Variants in FAT2 observed in about 807,000 individuals in gnomAD.
FAT2 encodes FAT atypical cadherin 2, also known as protocadherin Fat 2.
Under a neutral mutation model 295.3 loss-of-function variants are expected in FAT2, and 150 were observed. The ratio of observed to expected loss-of-function variants is 0.51; its 90% CI spans 0.44 to 0.58. The LOEUF (loss-of-function observed/expected upper bound fraction) is 0.58. Among genes scored for constraint, FAT2 ranks in the 20% least tolerant of loss-of-function variants. The pLI, the probability that FAT2 is intolerant of heterozygous loss-of-function variation, is 0.00. For synonymous variants in FAT2, 2,026 were observed against 2,150.3 expected, an observed-to-expected ratio of 0.94 and a Z score of 1.60; for missense variants, 4,868 against 5,442.7, an observed-to-expected ratio of 0.89 and a Z score of 3.32.
chr5:151,552,751 C>T (rs1379646441), intron 6 of FAT2, among the ~76,000 whole-genome samples: 1 of 152,184 alleles, frequency 6.6e-6, no homozygotes, highest in Non-Finnish European at 1.5e-5. Flanking sequence ...GGCACTTTCC[C>T]CTGATCTCAA....
chr5:151,538,343 G>T (rs1462648378), intron 11 of FAT2, among the ~76,000 whole-genome samples: 1 of 152,168 alleles, frequency 6.6e-6, no homozygotes, highest in African/African-American at 2.4e-5. Flanking sequence ...CCTGATATAG[G>T]CATTCTGGAA....
rs989789203 is a variant in FAT2, at chr5:151,565,030, G to A, written c.3259+643C>T. Among the ~76,000 whole-genome samples, 9 of 152,072 alleles carry A rather than the reference G, an allele frequency of 5.9e-5. No homozygotes were observed. The South Asian group carries it at 1.7e-3, about 28-fold the overall frequency. ...ACGGAGGTTGCAATGAGCCGAGATC[G>A]AACCACTTCACTCCAGCCTGGGTGA... On this transcript the variant is annotated intron_variant, in intron 2 of 23. Coordinates refer to ENST00000261800, the MANE Select transcript of FAT2 (RefSeq NM_001447.3).
rs921116594 is a variant in FAT2, at chr5:151,512,946, T to A, written c.11464-340A>T. Among the ~76,000 whole-genome samples, 2 of 152,254 alleles carry A rather than the reference T, an allele frequency of 1.3e-5. No homozygotes were observed. The highest frequency in any genetic ancestry group is 4.8e-5 in the African/African-American group (2 of 41,474). ...TCCAGAGTTCCACACTTGTGAATAT[T>A]GGCCTTCAGCGATTTGAAAAACCTG... On this transcript the variant is annotated intron_variant, in intron 20 of 23. Coordinates refer to ENST00000261800, the MANE Select transcript of FAT2 (RefSeq NM_001447.3). This position sits in a 1 kb window ranked among gnomAD's most constrained non-coding sequence, Gnocchi z 4.1.
chr5:151,550,692 T>A lies in FAT2; in HGVS notation c.4476A>T (p.Gly1492=). 1 of 1,614,222 alleles carries A rather than the reference T, an allele frequency of 6.2e-7. No individual in the cohort carries two copies. The highest frequency in any genetic ancestry group is 8.5e-7 in the Non-Finnish European group (1 of 1,180,026). Reference sequence around the variant, plus strand: ...GGTCCAGCTGGAAGAGGCTGGCACTTCCTGGGTCTTGGCTGCCATGTATGG... The same window carrying A: ...GGTCCAGCTGGAAGAGGCTGGCACTACCTGGGTCTTGGCTGCCATGTATGG... ...IYTIHGSQDP[G]SASLFQLDPS... is the part of the protein sequence containing the mutation. The change falls in exon 8 of 24, where the codon GGA becomes GGT. Residue 1492 remains glycine (G), a synonymous_variant. Transcript: ENST00000261800.
intron 3 of FAT2, among the ~76,000 whole-genome samples, chr5:151,557,056 C>T (rs946269299): frequency 2.0e-5 from 3 of 151,986 alleles, no homozygotes; most frequent in Admixed American, 6.5e-5. Context: ...CTTCAGCAAT[C>T]GGCCCACCAC....
upstream of FAT2, among the ~76,000 whole-genome samples, chr5:151,592,162 A>G (rs542176357): frequency 1.3e-5 from 2 of 152,224 alleles, no homozygotes; most frequent in Non-Finnish European, 2.9e-5. Context: ...GGCTCCCCAT[A>G]TAATTCCATT....
In FAT2 at chr5:151,568,826, AGT is replaced by A; in HGVS notation, c.104_105del (p.His35LeufsTer9). The A allele has an allele frequency of 6.2e-7, 1 of 1,613,948 alleles. No homozygotes were observed. The highest frequency in any genetic ancestry group is 8.5e-7 in the Non-Finnish European group (1 of 1,180,006). ...ILSSSAWHFT[H>X]SHYNATIYEN... ...TCATAGATGGTGGCATTGTAATGGG[AGT>A]GTGTGAAGTGCCAAGCAGAGGAGGA... On this transcript the variant is annotated frameshift_variant, in exon 2 of 24. Transcript: ENST00000261800. LOFTEE classifies it high-confidence loss of function.
chr5:151,539,471 T>C (rs1046471913), intron 11 of FAT2, among the ~76,000 whole-genome samples: 54 of 152,210 alleles, frequency 3.5e-4, no homozygotes, highest in African/African-American at 1.3e-3. Context: ...GCTAGGTATA[T>C]AGGTATATGC....
chr5:151,536,221 GA>G (rs11307084), intron 12 of FAT2, among the ~76,000 whole-genome samples: 84,083 of 150,860 alleles, frequency 0.56, 23,456 homozygotes, highest in East Asian at 0.75. Context: ...TCCATATTCA[GA>G]AAAAAAAACG....
chr5:151,550,737 C>T lies in FAT2; in HGVS notation c.4431G>A (p.Lys1477=), dbSNP rs1270229703. The T allele has an allele frequency of 1.2e-6, 2 of 1,614,124 alleles. No homozygotes were observed. The highest frequency in any genetic ancestry group is 1.7e-5 in the Admixed American group (1 of 60,010). Residue 1477 remains lysine (K), a synonymous_variant, in exon 8 of 24, where the codon AAG becomes AAA. Transcript: ENST00000261800. ...LLRVQAIDQD[K]GKSLIYTIHG... is the part of the protein sequence containing the mutation. ...GTATGGTATAGATGAGGCTTTTGCC[C>T]TTGTCTTGATCTATGGCCTGGACTC...
At chr5:151,585,562 A>T (rs1479114320) in intron 1 of FAT2, among the ~76,000 whole-genome samples, 2 of 152,216 alleles carry the variant, frequency 1.3e-5, no homozygotes, top group South Asian at 2.1e-4. Flanking sequence ...CAATGAGCTG[A>T]GTTTGCATCA....
chr5:151,526,878 A>G (rs142877308), intron 17 of FAT2, among the ~76,000 whole-genome samples: 1 of 152,322 alleles, frequency 6.6e-6, no homozygotes, highest in East Asian at 1.9e-4. Flanking sequence ...TTAGTAGGGA[A>G]TAGCTTGGGT....
At position 151,508,617 on chromosome 5, in the gene FAT2, G is replaced by A. The variant is rs113259116; in HGVS notation, c.12060-1006C>T. 2.0e-5 allele frequency among the ~76,000 whole-genome samples: 3 copies of A among 152,230 alleles called. 1 individual carries two copies. The highest frequency in any genetic ancestry group is 7.2e-5 in the African/African-American group (3 of 41,514). On this transcript the variant is annotated intron_variant, in intron 22 of 23. Transcript: ENST00000261800. Reference sequence around the variant, plus strand: ...CCCAGCTACTTGGCAGGCTGAGGCAGGGGAATGGCTTGAACCTAGGAGTCA... The same window carrying A: ...CCCAGCTACTTGGCAGGCTGAGGCAAGGGAATGGCTTGAACCTAGGAGTCA...
At chr5:151,575,787 G>A (rs998482774) in intron 1 of FAT2, among the ~76,000 whole-genome samples, 1 of 152,208 alleles carries the variant, frequency 6.6e-6, no homozygotes, top group Non-Finnish European at 1.5e-5. Flanking sequence ...CTAGAGCTGC[G>A]CTTTCCAGCA....
intron 2 of FAT2, among the ~76,000 whole-genome samples, chr5:151,565,067 T>G (rs1343283438): frequency 6.6e-6 from 1 of 151,962 alleles, no homozygotes; most frequent in Admixed American, 6.6e-5. Flanking sequence ...AGAGCAAGAC[T>G]CCATCTCAAA....
chr5:151,504,130 T>A lies in FAT2; in HGVS notation c.*1435A>T, dbSNP rs1250090996. On this transcript the variant is annotated 3_prime_UTR_variant, in exon 24 of 24. Coordinates refer to ENST00000261800, the MANE Select transcript of FAT2 (RefSeq NM_001447.3). ...AGATACTTTATTGTTAAAAAAAAAA[T>A]GACCAATGAAACTATGTATCTGTCA... The A allele has an allele frequency of 1.3e-5, 2 of 148,906 alleles. No homozygotes were observed. Among genetic ancestry groups the A allele is most frequent in the African/African-American group, 2.5e-5 (1 of 40,672 alleles). 9.2% of individuals were successfully genotyped at this position (148,906 alleles called of 1,614,324 possible).
At chr5:151,523,168 G>A (rs996809260) in intron 18 of FAT2, among the ~76,000 whole-genome samples, 1 of 152,022 alleles carries the variant, frequency 6.6e-6, no homozygotes, top group African/African-American at 2.4e-5. Flanking sequence ...ACCTACTGCT[G>A]GAAGTCATGC....
At chr5:151,551,672 G>A (rs1314191658) in intron 6 of FAT2, 66 bp from the exon 7 acceptor site, 3 of 1,569,016 alleles carry the variant, frequency 1.9e-6, no homozygotes, top group African/African-American at 1.3e-5. Flanking sequence ...CATAAGATAG[G>A]CTTTGGTTGT....
upstream of FAT2, among the ~76,000 whole-genome samples, chr5:151,593,084 C>A (rs938578065): frequency 6.6e-6 from 1 of 152,214 alleles, no homozygotes; most frequent in South Asian, 2.1e-4. Flanking sequence ...CTGCCTCCGC[C>A]CCGGATGAGA....
Sources: gnomAD v4.1 joint callset for allele counts (sites outside exome capture counted in the v4.1 genomes callset) on GRCh38, gnomAD v4.1.1 for gene constraint, Gnocchi (gnomAD v3.1) non-coding constraint, MANE v1.5 for transcripts, NCBI Gene and HGNC (gene_info 2026-07-23, HGNC 2026-07-21) for gene names.